UBE3C: variants seen among roughly 807,000 people sequenced by gnomAD.
UBE3C encodes the protein ubiquitin protein ligase E3C.
Under a neutral mutation model 129.4 loss-of-function variants are expected in UBE3C, and 42 were observed. The ratio of observed to expected loss-of-function variants is 0.32; its 90% confidence interval spans 0.25 to 0.42. The LOEUF (loss-of-function observed/expected upper bound fraction) is 0.42. Ranked by LOEUF, UBE3C falls within the 10% of genes least tolerant of loss-of-function variation. The pLI is 1.00. For synonymous variants in UBE3C, 510 were observed against 492.4 expected, an observed-to-expected ratio of 1.04 and a Z score of -0.47; for missense variants, 1,049 against 1,319.1, an observed-to-expected ratio of 0.80 and a Z score of 3.17.
intron 19 of UBE3C, among the ~76,000 whole-genome samples, chr7:157,252,397 A>G (rs377732252): frequency 1.3e-5 from 2 of 152,238 alleles, no homozygotes; most frequent in Admixed American, 1.3e-4. Context: ...AAGATAATGA[A>G]CACAATCTTT....
intron 10 of UBE3C, among the ~76,000 whole-genome samples, chr7:157,188,164 T>G (rs1279320073): frequency 6.6e-6 from 1 of 152,252 alleles, no homozygotes; most frequent in East Asian, 1.9e-4. Flanking sequence ...GGACTGATGT[T>G]GCATAGGCAA....
At chr7:157,182,355 TG>T in intron 8 of UBE3C, 27 bp downstream of exon 8, 1 of 1,605,714 alleles carries the variant, frequency 6.2e-7, no homozygotes, top group Non-Finnish European at 8.5e-7. Context: ...CTTTTTTACC[TG>T]AACACACATA....
chr7:157,259,171 CA>C (rs1796832894), intron 22 of UBE3C, among the ~76,000 whole-genome samples: 1 of 152,372 alleles, frequency 6.6e-6, no homozygotes, highest in Non-Finnish European at 1.5e-5. Flanking sequence ...TTTCAGGCCC[CA>C]CTCAGACCTG....
At chr7:157,256,321 T>G (rs916391463) in intron 21 of UBE3C, among the ~76,000 whole-genome samples, 1 of 151,920 alleles carries the variant, frequency 6.6e-6, no homozygotes, top group African/African-American at 2.4e-5. Flanking sequence ...TTTTGTACAT[T>G]TGGTAGAGAC....
At chr7:157,170,707 G>A (rs1808342839) in intron 4 of UBE3C, among the ~76,000 whole-genome samples, 1 of 152,114 alleles carries the variant, frequency 6.6e-6, no homozygotes, top group Non-Finnish European at 1.5e-5. Context: ...CATTTAAAAA[G>A]CAGAATATTT....
rs765988792 is a variant in UBE3C at position 157,231,072 on chromosome 7, T to G, written c.2234-8T>G. The stretch of plus-strand genomic sequence containing the variant: ...TTTCCTCCTCACCCTCCCATTTTTT[T>G]TTAACAGAGCCTGATTTGAAAAAGC... On this transcript the variant is annotated splice_region_variant and splice_polypyrimidine_tract_variant and intron_variant, in intron 17 of 22. Coordinates refer to ENST00000348165, the MANE Select transcript of UBE3C (RefSeq NM_014671.3). 3.1e-6 allele frequency: 5 copies of G among 1,611,918 alleles called. No homozygotes were observed. In the South Asian group the frequency reaches 5.5e-5, roughly 18 times the overall value.
intron 1 of UBE3C, 58 bp downstream of exon 1, chr7:157,139,396 G>A (rs1338923916): frequency 6.7e-7 from 1 of 1,495,060 alleles, no homozygotes; most frequent in African/African-American, 1.4e-5. Flanking sequence ...CGGGGCTCGG[G>A]GCTGGGACTC....
At chr7:157,242,718 T>C (rs1796371448) in intron 18 of UBE3C, among the ~76,000 whole-genome samples, 1 of 152,040 alleles carries the variant, frequency 6.6e-6, no homozygotes, top group Non-Finnish European at 1.5e-5. Context: ...TTCTGTGTTT[T>C]GGAGCCTGAA....
intron 17 of UBE3C, among the ~76,000 whole-genome samples, chr7:157,227,651 G>C (rs1795917089): frequency 6.6e-6 from 1 of 151,722 alleles, no homozygotes; most frequent in African/African-American, 2.4e-5. Flanking sequence ...AGTGAGCCGA[G>C]ATCGCACCAC....
Position 157,182,153 on chromosome 7 carries a change from T to A in UBE3C, c.816T>A (p.Pro272=), listed in dbSNP as rs765389747. The A allele has an allele frequency of 1.6e-5, 25 of 1,610,012 alleles. 1 individual carries two copies. In the African/African-American group the frequency reaches 2.7e-4, roughly 17 times the overall value. Residue 272 remains proline (P), a synonymous_variant, in exon 8 of 23, where the codon CCT becomes CCA. Coordinates refer to ENST00000348165, the MANE Select transcript of UBE3C (RefSeq NM_014671.3). ...TAFTEEFLAA[P]FTDQIFHFII... Reference sequence around the variant, plus strand: ...TCACAGAGGAGTTTCTGGCAGCACCTTTTACAGATCAGATTTTTCATTTCA... The same window carrying A: ...TCACAGAGGAGTTTCTGGCAGCACCATTTACAGATCAGATTTTTCATTTCA...
intron 17 of UBE3C, among the ~76,000 whole-genome samples, chr7:157,229,189 T>TA: frequency 6.6e-6 from 1 of 152,338 alleles, no homozygotes; most frequent in South Asian, 2.1e-4. Context: ...AAAGCACCTG[T>TA]AGAACATTCT....
intron 19 of UBE3C, among the ~76,000 whole-genome samples, chr7:157,251,116 A>C (rs1465661233): frequency 2.0e-5 from 3 of 152,250 alleles, no homozygotes; most frequent in African/African-American, 7.2e-5. Flanking sequence ...TCACTAGTGA[A>C]GCACCTAATT....
intron 10 of UBE3C, chr7:157,198,056 G>GA (rs776699234): frequency 2.7e-5 from 43 of 1,607,730 alleles, no homozygotes; most frequent in Non-Finnish European, 3.7e-5. Context: ...GCTCCAGGGG[G>GA]ATCTCTCCTC....
chr7:157,170,549 C>T (rs1470587766), intron 4 of UBE3C, 99 bp downstream of exon 4: 1 of 1,271,656 alleles, frequency 7.9e-7, no homozygotes, highest in Non-Finnish European at 1.0e-6. Context: ...AAACAGCTCT[C>T]CACTGCATCC....
intron 1 of UBE3C, among the ~76,000 whole-genome samples, chr7:157,161,727 T>G (rs1319079624): frequency 1.3e-5 from 2 of 152,106 alleles, no homozygotes; most frequent in Non-Finnish European, 2.9e-5. Context: ...GTGCTCGGAT[T>G]ATAGCCATGA....
Position 157,246,955 on chromosome 7 carries a change from A to G in UBE3C, c.2482-1413A>G, listed in dbSNP as rs146843759. 3.0e-3 allele frequency among the ~76,000 whole-genome samples: 461 copies of G among 152,300 alleles called. 3 individuals are homozygous for G. The highest frequency in any genetic ancestry group is 0.011 in the African/African-American group (441 of 41,572). On this transcript the variant is annotated intron_variant, in intron 18 of 22. Transcript: ENST00000348165. ...GCCCAGACTGGAGTGCAGTGGCACA[A>G]TCTCGGCTCACTGCAACCTCCACCT...
rs1343977921 is a variant in UBE3C at position 157,156,934 on chromosome 7, A to G, written c.67-6876A>G. Reference sequence around the variant, plus strand: ...GTGAGTTATTAATGTGGTCCTTATTATATGTGAAGACAGCCTTATTTATAG... The same window carrying G: ...GTGAGTTATTAATGTGGTCCTTATTGTATGTGAAGACAGCCTTATTTATAG... On this transcript the variant is annotated intron_variant, in intron 1 of 22. Coordinates refer to ENST00000348165, the MANE Select transcript of UBE3C (RefSeq NM_014671.3). 3.3e-5 allele frequency among the ~76,000 whole-genome samples: 5 copies of G among 152,248 alleles called. No individual in the cohort carries two copies. The East Asian group carries it at 7.7e-4, about 23-fold the overall frequency.
rs1257932846 is a variant in UBE3C, at chr7:157,198,387, G to C, written c.1332-3334G>C. The C allele has an allele frequency of 4.2e-6, 3 of 713,352 alleles. No homozygotes were observed. The African/African-American group carries it at 5.3e-5, about 13-fold the overall frequency. 44.2% of individuals were successfully genotyped at this position (713,352 alleles called of 1,614,324 possible). A position where few individuals can be genotyped will look rare whatever the true frequency, so the allele number is the denominator to read the frequency against. ...TTATTTCTTGATATGTCATCCCTTT[G>C]GCTGTTTTCAAGTTTCTTTGCAGGT... On this transcript the variant is annotated intron_variant, in intron 10 of 22. Transcript: ENST00000348165.
chr7:157,249,352 G>T (rs893174864), intron 19 of UBE3C, among the ~76,000 whole-genome samples: 4 of 151,018 alleles, frequency 2.6e-5, no homozygotes, highest in African/African-American at 9.8e-5. Flanking sequence ...TTTCACTCTT[G>T]TTGCCCAGGC....
Sources: gnomAD v4.1 joint callset for allele counts (sites outside exome capture counted in the v4.1 genomes callset) on GRCh38, gnomAD v4.1.1 for gene constraint, MANE v1.5 for transcripts, NCBI Gene and HGNC (gene_info 2026-07-23, HGNC 2026-07-21) for gene names.